The following HLCS variants were observed in gnomAD, a reference collection of about 807,000 sequenced individuals.
The protein encoded by HLCS is biotin--protein ligase.
HLCS carries 53 observed loss-of-function variants against 75.0 expected under a neutral mutation model. The observed-to-expected ratio is 0.71, with a 90% CI of 0.57 to 0.89. HLCS has a LOEUF of 0.89. Among genes scored for constraint, HLCS ranks in the 40% least tolerant of loss-of-function variants. HLCS has a pLI of 0.00. For missense variants in HLCS, 966 were observed against 1,074.0 expected, an observed-to-expected ratio of 0.90 and a Z score of 1.41; for synonymous variants, 431 against 428.6, an observed-to-expected ratio of 1.01 and a Z score of -0.07.
chr21:36,916,513 AGCT>A (rs1226965865), intron 5 of HLCS, among the ~76,000 whole-genome samples: 3 of 142,398 alleles, frequency 2.1e-5, no homozygotes, highest in African/African-American at 7.8e-5. Context: ...CATCATGCCT[AGCT>A]AATTTTTTTT....
intron 5 of HLCS, among the ~76,000 whole-genome samples, chr21:36,916,518 ATTTTTTTTTTTTT>A: frequency 1.1e-5 from 1 of 93,048 alleles, no homozygotes; most frequent in East Asian, 2.6e-4. Context: ...TGCCTAGCTA[ATTTTTTTTTTTTT>A]TTTTTTTTTT....
At chr21:36,793,551 C>CGCGA (rs1569018812) in intron 6 of HLCS, among the ~76,000 whole-genome samples, 1 of 152,108 alleles carries the variant, frequency 6.6e-6, no homozygotes, top group Non-Finnish European at 1.5e-5. Flanking sequence ...CCACCCGCCT[C>CGCGA]GGCCTCCCAA....
chr21:36,937,217 C>T lies in HLCS; in HGVS notation c.669G>A (p.Arg223=). Residue 223 remains arginine, a synonymous_variant, in exon 4 of 11, where the codon AGG becomes AGA. Transcript: ENST00000674895. ...PKALGEEPKQ[R]RGSASGSEPA... ...GCTCACTCCCAGAGGCACTGCCTCT[C>T]CTTTGTTTGGGTTCTTCACCAAGAG... 6.2e-7 allele frequency: 1 copy of T among 1,614,166 alleles called. No individual in the cohort carries two copies. The highest frequency in any genetic ancestry group is 8.5e-7 in the Non-Finnish European group (1 of 1,180,026).
At chr21:36,859,460 C>G (rs567850246) in intron 6 of HLCS, among the ~76,000 whole-genome samples, 1 of 152,170 alleles carries the variant, frequency 6.6e-6, no homozygotes, top group Non-Finnish European at 1.5e-5. Context: ...CTCAGCTCTC[C>G]CCACTCTGCA....
chr21:36,967,154 G>T (rs571568778), upstream of HLCS, among the ~76,000 whole-genome samples: 2 of 152,194 alleles, frequency 1.3e-5, no homozygotes, highest in South Asian at 4.1e-4. Context: ...AGCTGCCAAG[G>T]CCAACCTTTA....
At chr21:36,965,655 G>A (rs12626531) in intron 1 of HLCS, among the ~76,000 whole-genome samples, 30,525 of 151,994 alleles carry the variant, frequency 0.2, 3,328 homozygotes, top group East Asian at 0.34. Flanking sequence ...AGATGGAGAG[G>A]GAAAAGGGCA....
chr21:36,962,201 T>A, intron 1 of HLCS, 31 bp from the exon 2 acceptor site: 2 of 1,198,190 alleles, frequency 1.7e-6, no homozygotes, highest in Non-Finnish European at 2.2e-6. Context: ...ATAATGAGAT[T>A]GTCACTTCAT....
chr21:36,836,970 G>A (rs1601454937), intron 6 of HLCS, among the ~76,000 whole-genome samples: 1 of 152,274 alleles, frequency 6.6e-6, no homozygotes, highest in South Asian at 2.1e-4. Flanking sequence ...GATCACCTGA[G>A]GTCATGAGTT....
intron 1 of HLCS, among the ~76,000 whole-genome samples, chr21:36,964,681 C>T (rs935955897): frequency 1.3e-5 from 2 of 152,162 alleles, no homozygotes; most frequent in African/African-American, 2.4e-5. Context: ...ACTCCTACTC[C>T]GGCCTGCACA....
chr21:36,771,249 T>C (rs116374110), intron 6 of HLCS, among the ~76,000 whole-genome samples: 1 of 134,852 alleles, frequency 7.4e-6, no homozygotes, highest in African/African-American at 3.2e-5. Context: ...TAAATAAATA[T>C]AAAATAAAAT....
chr21:36,767,076 A>G (rs540820815), intron 7 of HLCS, 142 bp downstream of exon 7: 1 of 786,226 alleles, frequency 1.3e-6, no homozygotes, highest in South Asian at 1.4e-5. Context: ...CTCTTCCTCC[A>G]TTCCAGGCGG....
chr21:36,754,456 C>T, intron 10 of HLCS, 39 bp from the exon 11 acceptor site: 2 of 1,592,044 alleles, frequency 1.3e-6, no homozygotes, highest in Non-Finnish European at 1.7e-6. Flanking sequence ...TGGGAGGTGT[C>T]ACAGGACGAC....
chr21:36,900,701 G>T (rs1207811513), intron 5 of HLCS, among the ~76,000 whole-genome samples: 2 of 152,174 alleles, frequency 1.3e-5, no homozygotes, highest in African/African-American at 4.8e-5. Context: ...AGCTAGGAGT[G>T]AGACTACTGC....
At chr21:36,856,286 C>A (rs534239481) in intron 6 of HLCS, among the ~76,000 whole-genome samples, 2 of 152,098 alleles carry the variant, frequency 1.3e-5, no homozygotes, top group Non-Finnish European at 2.9e-5. Context: ...GGTTGAAAAG[C>A]GCTACTCCAG....
intron 1 of HLCS, among the ~76,000 whole-genome samples, chr21:36,988,752 T>C (rs973499513): frequency 4.7e-4 from 72 of 152,324 alleles, no homozygotes; most frequent in African/African-American, 1.7e-3. Flanking sequence ...AGAACCGTGA[T>C]GGTATCTCAG....
chr21:36,841,060 T>G (rs2062598643), intron 6 of HLCS, among the ~76,000 whole-genome samples: 1 of 152,166 alleles, frequency 6.6e-6, no homozygotes, highest in African/African-American at 2.4e-5. Flanking sequence ...ATACCTCAAT[T>G]AAAAAATTAA....
At chr21:36,987,525 A>T (rs144500163) in intron 1 of HLCS, among the ~76,000 whole-genome samples, 4,438 of 152,180 alleles carry the variant, frequency 0.029, 91 homozygotes, top group Middle Eastern at 0.092. Context: ...AGGCAGAAGA[A>T]TTGTCTGAAC....
At chr21:36,773,682 GA>G (rs1301774787) in intron 6 of HLCS, among the ~76,000 whole-genome samples, 5 of 152,174 alleles carry the variant, frequency 3.3e-5, no homozygotes, top group Non-Finnish European at 5.9e-5. Context: ...TCTCATGAGT[GA>G]AAAAGAAAGC....
At chr21:36,942,429 A>G (rs1265460563) in intron 2 of HLCS, among the ~76,000 whole-genome samples, 2 of 145,862 alleles carry the variant, frequency 1.4e-5, no homozygotes, top group Non-Finnish European at 3.0e-5. Context: ...AAAAAAAAAG[A>G]ATGAGGATAA....
Sources: gnomAD v4.1 joint callset for allele counts (sites outside exome capture counted in the v4.1 genomes callset) on GRCh38, gnomAD v4.1.1 for gene constraint, MANE v1.5 for transcripts, NCBI Gene and HGNC (gene_info 2026-07-23, HGNC 2026-07-21) for gene names.